The following UTRN variants were observed in gnomAD, a reference collection of about 807,000 sequenced individuals.
UTRN encodes the protein dystrophin-related protein 1.
UTRN carries 283 observed loss-of-function variants against 463.9 expected under a neutral mutation model. That is an observed-to-expected ratio of 0.61 (90% CI 0.55 to 0.67). The LOEUF (loss-of-function observed/expected upper bound fraction) is 0.67. UTRN is among the 30% of genes least tolerant of loss of function. UTRN has a pLI of 0.00. For missense variants in UTRN, 3,922 were observed against 4,084.3 expected, an observed-to-expected ratio of 0.96 and a Z score of 1.08; for synonymous variants, 1,442 against 1,431.5, an observed-to-expected ratio of 1.01 and a Z score of -0.17.
At chr6:144,758,909 G>A (rs1279289609) in intron 58 of UTRN, among the ~76,000 whole-genome samples, 1 of 152,000 alleles carries the variant, frequency 6.6e-6, no homozygotes, top group Non-Finnish European at 1.5e-5. Context: ...AGATCTCTGG[G>A]CCAAGTTTCC....
chr6:144,689,478 C>T lies in UTRN; in HGVS notation c.7653-10609C>T, dbSNP rs151162068. ...ATTCTTTTGTCATTCTTTTGTCCCACGGGTTGCTCCCTTGATGTGGAGCAC... is the reference window on the plus strand; with the variant it reads ...ATTCTTTTGTCATTCTTTTGTCCCATGGGTTGCTCCCTTGATGTGGAGCAC... On this transcript the variant is annotated intron_variant, in intron 52 of 74. Transcript: ENST00000367545. Among the ~76,000 whole-genome samples the T allele has an allele frequency of 2.5e-3, 386 of 152,324 alleles. 1 individual carries two copies. Among genetic ancestry groups the T allele is most frequent in the East Asian group, 9.3e-3 (48 of 5,184 alleles).
chr6:144,533,320 T>C, intron 43 of UTRN, 60 bp downstream of exon 43: 1 of 1,573,532 alleles, frequency 6.4e-7, no homozygotes, highest in Non-Finnish European at 8.6e-7. Context: ...TAGAATCTTT[T>C]AAGATGCAAT....
intron 2 of UTRN, among the ~76,000 whole-genome samples, chr6:144,393,842 C>T (rs1042865895): frequency 7.9e-5 from 12 of 152,030 alleles, no homozygotes; most frequent in Admixed American, 3.9e-4. Flanking sequence ...CATTGTGGCC[C>T]TTAAGGTTAT....
At chr6:144,331,159 C>A in intron 2 of UTRN, 1 of 482,154 alleles carries the variant, frequency 2.1e-6, no homozygotes, top group Non-Finnish European at 2.7e-6. Flanking sequence ...CTCTGGGTGA[C>A]CTAGGAAGTT....
intron 13 of UTRN, among the ~76,000 whole-genome samples, chr6:144,443,025 A>G (rs1470710288): frequency 6.6e-6 from 1 of 152,202 alleles, no homozygotes; most frequent in Non-Finnish European, 1.5e-5. Flanking sequence ...TGTTTTCGGT[A>G]GATTAATATG....
At chr6:144,362,874 C>T (rs906158246) in intron 2 of UTRN, among the ~76,000 whole-genome samples, 10 of 152,292 alleles carry the variant, frequency 6.6e-5, no homozygotes, top group South Asian at 2.1e-4. Flanking sequence ...TGAGGACCTA[C>T]TGTGTGCCAG....
chr6:144,507,059 T>G (rs1794749932), intron 34 of UTRN, among the ~76,000 whole-genome samples: 1 of 152,070 alleles, frequency 6.6e-6, no homozygotes. Flanking sequence ...TCGATTCAGC[T>G]ATTGATACAT....
chr6:144,460,992 G>A (rs780724879), intron 21 of UTRN, among the ~76,000 whole-genome samples: 6 of 152,138 alleles, frequency 3.9e-5, no homozygotes, highest in African/African-American at 7.2e-5. Context: ...TATTTCAAAC[G>A]TCAACATCCG....
At chr6:144,581,782 C>T (rs1216926948) in intron 51 of UTRN, among the ~76,000 whole-genome samples, 1 of 152,228 alleles carries the variant, frequency 6.6e-6, no homozygotes, top group African/African-American at 2.4e-5. Context: ...ACCATCACCA[C>T]AATCAAGTTA....
At chr6:144,516,163 C>T in intron 37 of UTRN, 66 bp from the exon 38 acceptor site, 3 of 1,521,794 alleles carry the variant, frequency 2.0e-6, no homozygotes, top group Non-Finnish European at 2.7e-6. Flanking sequence ...GACACCCCAT[C>T]TCTCTGATTA....
At chr6:144,711,906 T>A (rs1282077836) in intron 53 of UTRN, among the ~76,000 whole-genome samples, 1 of 152,174 alleles carries the variant, frequency 6.6e-6, no homozygotes, top group African/African-American at 2.4e-5. Flanking sequence ...ACTTGCTCAT[T>A]AAAATAACAA....
chr6:144,367,801 A>G (rs142625818), intron 2 of UTRN, among the ~76,000 whole-genome samples: 1,946 of 152,102 alleles, frequency 0.013, 39 homozygotes, highest in African/African-American at 0.044. Context: ...TCTTTTTTTG[A>G]GATGGAGTTT....
chr6:144,333,453 G>T (rs1315835586), intron 2 of UTRN, among the ~76,000 whole-genome samples: 1 of 152,136 alleles, frequency 6.6e-6, no homozygotes, highest in African/African-American at 2.4e-5. Context: ...ATTATGAGTT[G>T]ATGATTTCTG....
intron 3 of UTRN, among the ~76,000 whole-genome samples, chr6:144,404,431 G>A (rs1783207603): frequency 6.6e-6 from 1 of 152,286 alleles, no homozygotes; most frequent in East Asian, 1.9e-4. Flanking sequence ...ATCTGCATGT[G>A]ACCATTTTCC....
chr6:144,451,840 G>GAAA (rs1788351396), intron 18 of UTRN, among the ~76,000 whole-genome samples: 1 of 152,158 alleles, frequency 6.6e-6, no homozygotes, highest in South Asian at 2.1e-4. Flanking sequence ...TTATGCTGAA[G>GAAA]ATGTTTTGCC....
Position 144,378,221 on chromosome 6 carries a change from TGTTCTTTCTA to T in UTRN, c.80-24901_80-24892del, listed in dbSNP as rs369188624. 1.7e-3 allele frequency among the ~76,000 whole-genome samples: 264 copies of T among 152,378 alleles called. 5 individuals are homozygous for T. The East Asian group carries it at 0.035, about 20-fold the overall frequency. On this transcript the variant is annotated intron_variant, in intron 2 of 74. Transcript: ENST00000367545. ...AAAGGCAATACATATAACAGATTCA[TGTTCTTTCTA>T]TTGAAATGGACAAGTTAGAGGTCTA...
chr6:144,518,120 C>T (rs1338559310), intron 39 of UTRN, among the ~76,000 whole-genome samples: 1 of 152,172 alleles, frequency 6.6e-6, no homozygotes, highest in Non-Finnish European at 1.5e-5. Context: ...GCTTATTTTA[C>T]TTCACTATCC....
chr6:144,717,627 C>CTTTTTTTTTTTTT lies in UTRN; in HGVS notation c.7810-12724_7810-12723insTTTTTTTTTTTTT, dbSNP rs1333769413. ...ATTTTTTTCTTTTTCTTTTTCTTTTCTTTTTTCTTTTTTTTTTTTTTTTTT... is the reference window on the plus strand; with the variant it reads ...ATTTTTTTCTTTTTCTTTTTCTTTTCTTTTTTTTTTTTTTTTTTTCTTTTTTTTTTTTTTTTTT... On this transcript the variant is annotated intron_variant, in intron 53 of 74. Transcript: ENST00000367545. Among the ~76,000 whole-genome samples, 10 of 112,682 alleles carry CTTTTTTTTTTTTT rather than the reference C, an allele frequency of 8.9e-5. 1 individual carries two copies. The highest frequency in any genetic ancestry group is 1.7e-4 in the African/African-American group (4 of 22,958). 73.9% of individuals were successfully genotyped at this position (112,682 alleles called of 152,430 possible).
At chr6:144,533,750 A>G (rs1797287011) in intron 43 of UTRN, among the ~76,000 whole-genome samples, 1 of 150,624 alleles carries the variant, frequency 6.6e-6, no homozygotes, top group Admixed American at 6.6e-5. Context: ...AGTATTATTA[A>G]TTTTTATGTC....
Sources: allele counts gnomAD v4.1 joint callset (sites outside exome capture counted in the v4.1 genomes callset), GRCh38; gene constraint gnomAD v4.1.1; transcripts MANE v1.5; gene names NCBI Gene and HGNC (gene_info 2026-07-23, HGNC 2026-07-21).